Variants in RPS6KC1 observed in about 807,000 individuals in gnomAD.
The protein encoded by RPS6KC1 is ribosomal protein S6 kinase C1.
A neutral mutation model predicts 103.8 loss-of-function variants in RPS6KC1; 54 were observed. The ratio of observed to expected loss-of-function variants is 0.52; its 90% CI spans 0.42 to 0.65. The LOEUF is 0.65. Ranked by LOEUF, RPS6KC1 falls within the 30% of genes least tolerant of loss-of-function variation. The probability of loss-of-function intolerance (pLI) is 0.00; values close to 1 mark genes in which losing one functional copy is unlikely to be tolerated. For missense variants in RPS6KC1, 1,151 were observed against 1,253.8 expected (o/e 0.92, Z 1.24); for synonymous variants, 439 against 438.7 (o/e 1.00, Z -0.01).
the RPS6KC1 span, among the ~76,000 whole-genome samples, chr1:213,420,049 G>C: frequency 6.6e-6 from 1 of 152,228 alleles, no homozygotes; most frequent in Non-Finnish European, 1.5e-5. Context: ...TGGAGCTCAG[G>C]GAGGGAGCCT....
the RPS6KC1 span, among the ~76,000 whole-genome samples, chr1:213,729,124 G>T: frequency 1.3e-5 from 2 of 151,896 alleles, no homozygotes; most frequent in African/African-American, 4.8e-5. Flanking sequence ...AATAGTGAAC[G>T]GACAATTCAA....
chr1:213,624,005 G>A, the RPS6KC1 span, among the ~76,000 whole-genome samples: 2 of 152,198 alleles, frequency 1.3e-5, no homozygotes, highest in African/African-American at 4.8e-5. Flanking sequence ...CATTGTGTGT[G>A]GAGGGGCAAC....
At chr1:213,645,062 A>G in the RPS6KC1 span, among the ~76,000 whole-genome samples, 2 of 152,146 alleles carry the variant, frequency 1.3e-5, no homozygotes, top group Non-Finnish European at 2.9e-5. Flanking sequence ...CTTCCAAGAA[A>G]GTAATTTAAG....
At chr1:213,590,288 T>C in the RPS6KC1 span, among the ~76,000 whole-genome samples, 2 of 152,048 alleles carry the variant, frequency 1.3e-5, no homozygotes, top group African/African-American at 2.4e-5. Context: ...CCACATTTAC[T>C]CTTGAGGAGT....
chr1:213,065,368 T>A (rs1485951689), intron 1 of RPS6KC1, among the ~76,000 whole-genome samples: 16 of 152,228 alleles, frequency 1.1e-4, no homozygotes, highest in Non-Finnish European at 1.8e-4. Context: ...TCTTGAAATT[T>A]ATCCAGAGAA....
intron 14 of RPS6KC1, among the ~76,000 whole-genome samples, chr1:213,268,145 C>A (rs1035240276): frequency 5.9e-5 from 9 of 151,838 alleles, no homozygotes; most frequent in Non-Finnish European, 1.0e-4. Context: ...CCACACTTAA[C>A]CAAATTGTTG....
the RPS6KC1 span, among the ~76,000 whole-genome samples, chr1:213,426,111 A>C: frequency 6.6e-6 from 1 of 151,964 alleles, no homozygotes; most frequent in Non-Finnish European, 1.5e-5. Context: ...GCCAGAGTTA[A>C]CCTGAGGACG....
chr1:213,790,483 G>A, the RPS6KC1 span, among the ~76,000 whole-genome samples: 2 of 152,020 alleles, frequency 1.3e-5, no homozygotes, highest in African/African-American at 4.8e-5. Context: ...GTGTGCAACA[G>A]GAAATGTTAA....
the RPS6KC1 span, among the ~76,000 whole-genome samples, chr1:213,328,390 GGT>G: frequency 2.0e-5 from 3 of 151,626 alleles, no homozygotes; most frequent in Non-Finnish European, 4.4e-5. Context: ...TTCTAAGTTT[GGT>G]GCTCATTGGA....
chr1:213,544,304 G>A, the RPS6KC1 span, among the ~76,000 whole-genome samples: 1 of 152,136 alleles, frequency 6.6e-6, no homozygotes, highest in Non-Finnish European at 1.5e-5. Flanking sequence ...GTGAGGTCAA[G>A]GATAGAGTAA....
the RPS6KC1 span, among the ~76,000 whole-genome samples, chr1:213,641,829 AAAAT>A: frequency 8.6e-6 from 1 of 116,346 alleles, no homozygotes; most frequent in Non-Finnish European, 1.7e-5. Flanking sequence ...ACCCCCTGCA[AAAAT>A]AAATAAATAA....
chr1:213,214,639 C>T (rs1180588270), intron 8 of RPS6KC1, among the ~76,000 whole-genome samples: 1 of 152,220 alleles, frequency 6.6e-6, no homozygotes, highest in African/African-American at 2.4e-5. Context: ...TAGGGGCAGA[C>T]TGACACCTCA....
chr1:213,631,794 A>T, the RPS6KC1 span, among the ~76,000 whole-genome samples: 3 of 128,618 alleles, frequency 2.3e-5, no homozygotes, highest in Non-Finnish European at 5.6e-5. Context: ...CATTATTTTT[A>T]AAAATATGGG....
chr1:213,056,644 G>A (rs577864322), intron 1 of RPS6KC1, among the ~76,000 whole-genome samples: 1 of 152,296 alleles, frequency 6.6e-6, no homozygotes, highest in African/African-American at 2.4e-5. Flanking sequence ...ATTGCTTGGA[G>A]GGAACCTGTC....
At chr1:213,823,637 C>T in the RPS6KC1 span, among the ~76,000 whole-genome samples, 1 of 152,122 alleles carries the variant, frequency 6.6e-6, no homozygotes, top group South Asian at 2.1e-4. Flanking sequence ...AAGGAGGTCA[C>T]TTTGCCATTT....
the RPS6KC1 span, among the ~76,000 whole-genome samples, chr1:213,482,331 T>C: frequency 1.3e-5 from 2 of 152,148 alleles, no homozygotes; most frequent in Non-Finnish European, 2.9e-5. Flanking sequence ...TATCTGCCTT[T>C]ACAGTCATTT....
the RPS6KC1 span, among the ~76,000 whole-genome samples, chr1:213,453,523 G>A: frequency 6.6e-6 from 1 of 152,142 alleles, no homozygotes; most frequent in Non-Finnish European, 1.5e-5. Context: ...GGGTATTCTA[G>A]GCAGGGAGAG....
chr1:213,118,020 T>TAAAAAAAAAAAAAAAAAAA (rs2083872405), intron 5 of RPS6KC1, among the ~76,000 whole-genome samples: 1 of 12,056 alleles, frequency 8.3e-5, no homozygotes, highest in African/African-American at 1.3e-3. Flanking sequence ...AGACTTTGTC[T>TAAAAAAAAAAAAAAAAAAA]CAAAAAAAAA....
chr1:213,139,876 AAAAAATGTCAT>A (rs2086808903), intron 6 of RPS6KC1, among the ~76,000 whole-genome samples: 1 of 151,988 alleles, frequency 6.6e-6, no homozygotes, highest in African/African-American at 2.4e-5. Flanking sequence ...TTATTCTGTG[AAAAAATGTCAT>A]TAATAGTTTG....
Sources: gnomAD v4.1 joint callset for allele counts (sites outside exome capture counted in the v4.1 genomes callset) on GRCh38, gnomAD v4.1.1 for gene constraint, MANE v1.5 for transcripts, NCBI Gene and HGNC (gene_info 2026-07-23, HGNC 2026-07-21) for gene names.